FRYL: variants seen among roughly 807,000 people sequenced by gnomAD.
FRYL encodes protein furry homolog-like.
In FRYL, 150 loss-of-function variants were observed where a neutral mutation model predicts 351.2. That is an observed-to-expected ratio of 0.43 (90% CI 0.37 to 0.49). The LOEUF (loss-of-function observed/expected upper bound fraction) is 0.49, where lower values mean the gene tolerates loss of function less well. Ranked by LOEUF, FRYL falls within the 20% of genes least tolerant of loss-of-function variation. The pLI is 0.00. For missense variants in FRYL, 3,036 were observed against 3,619.3 expected (o/e 0.84, Z 4.13); for synonymous variants, 1,153 against 1,257.1 (o/e 0.92, Z 1.75).
At chr4:48,576,583 G>A (rs1281509288) in intron 23 of FRYL, among the ~76,000 whole-genome samples, 2 of 152,148 alleles carry the variant, frequency 1.3e-5, no homozygotes, top group African/African-American at 2.4e-5. Flanking sequence ...TGGGATTACA[G>A]GGGTGAGCCA....
At chr4:48,707,194 A>T (rs2149585229) in intron 2 of FRYL, among the ~76,000 whole-genome samples, 1 of 152,300 alleles carries the variant, frequency 6.6e-6, no homozygotes, top group Admixed American at 6.5e-5. Context: ...TCATTTTTTA[A>T]TTATTTTTAT....
At position 48,619,259 on chromosome 4, in the gene FRYL, A is replaced by T; in HGVS notation, c.411+15T>A. The T allele has an allele frequency of 6.5e-7, 1 of 1,540,514 alleles. No individual in the cohort carries two copies. Among genetic ancestry groups the T allele is most frequent in the Non-Finnish European group, 9.0e-7 (1 of 1,114,516 alleles). On this transcript the variant is annotated intron_variant, in intron 7 of 63. Coordinates refer to ENST00000358350, the MANE Select transcript of FRYL (RefSeq NM_015030.2). ...GAATAAGGAATACAGACTTTGCAGAAATAAAAGAGCTTACCTGCTTTAGAA... is the reference window on the plus strand; with the variant it reads ...GAATAAGGAATACAGACTTTGCAGATATAAAAGAGCTTACCTGCTTTAGAA...
At chr4:48,610,663 TATAC>T (rs1747907707) in intron 7 of FRYL, among the ~76,000 whole-genome samples, 1 of 146,448 alleles carries the variant, frequency 6.8e-6, no homozygotes, top group African/African-American at 2.5e-5. Flanking sequence ...ATATTGTATA[TATAC>T]ATATATTATA....
rs1747636128 is a variant in FRYL at position 48,609,622 on chromosome 4, G to GGA, written c.491+121_491+122insTC. 1.4e-5 allele frequency: 5 copies of GGA among 364,968 alleles called. No individual in the cohort carries two copies. In the South Asian group the frequency reaches 2.1e-4, roughly 15 times the overall value. 22.6% of individuals were successfully genotyped at this position (364,968 alleles called of 1,614,324 possible). On this transcript the variant is annotated intron_variant, in intron 8 of 63. Transcript: ENST00000358350. ...GGGTGAAAGTGAGACCTTGCCTCAA[G>GGA]AAAAAAAAAAAGGAAGATAAGAATT...
intron 23 of FRYL, among the ~76,000 whole-genome samples, chr4:48,578,317 T>C (rs768381446): frequency 3.9e-5 from 6 of 152,158 alleles, no homozygotes; most frequent in Non-Finnish European, 8.8e-5. Flanking sequence ...GGGCAAGTTA[T>C]ATGCTGAGAG....
In FRYL at chr4:48,677,504, G is replaced by A. The variant is rs1052127861; in HGVS notation, c.-81+7169C>T. Among the ~76,000 whole-genome samples the A allele has an allele frequency of 2.2e-4, 33 of 151,690 alleles. 3 individuals are homozygous for A. Among genetic ancestry groups the A allele is most frequent in the African/African-American group, 5.3e-4 (22 of 41,360 alleles). On this transcript the variant is annotated intron_variant, in intron 3 of 63. Coordinates refer to ENST00000358350, the MANE Select transcript of FRYL (RefSeq NM_015030.2). ...CGGCTCACTGCAACCTCATCCTCCC[G>A]GGTTCAAGCGATTCTCCTGCCTCAG...
chr4:48,675,708 C>T (rs1447631655), intron 3 of FRYL, among the ~76,000 whole-genome samples: 1 of 152,214 alleles, frequency 6.6e-6, no homozygotes, highest in African/African-American at 2.4e-5. Flanking sequence ...ATCGACCACC[C>T]AAGGGCTGAG....
intron 13 of FRYL, among the ~76,000 whole-genome samples, chr4:48,600,227 A>ATTTT (rs1490611896): frequency 6.6e-6 from 1 of 152,232 alleles, no homozygotes; most frequent in Non-Finnish European, 1.5e-5. Flanking sequence ...TTCCCTATAC[A>ATTTT]TAAAATAAAT....
intron 1 of FRYL, among the ~76,000 whole-genome samples, chr4:48,756,705 T>C (rs1226547527): frequency 6.6e-6 from 1 of 152,122 alleles, no homozygotes; most frequent in African/African-American, 2.4e-5. Context: ...CCCAGCACTT[T>C]GGGAGGTGGA....
At chr4:48,625,037 T>G (rs1459014318) in intron 4 of FRYL, among the ~76,000 whole-genome samples, 1 of 152,188 alleles carries the variant, frequency 6.6e-6, no homozygotes, top group Admixed American at 6.5e-5. Context: ...GCCTTCAAAT[T>G]CAGACTGGAA....
At chr4:48,598,913 A>C in intron 13 of FRYL, 1 of 807,246 alleles carries the variant, frequency 1.2e-6, no homozygotes, top group Non-Finnish European at 1.5e-6. Context: ...TAAACATGAG[A>C]TGCAGCACAT....
chr4:48,650,817 C>G (rs1757463099), intron 3 of FRYL, among the ~76,000 whole-genome samples: 1 of 152,058 alleles, frequency 6.6e-6, no homozygotes, highest in Non-Finnish European at 1.5e-5. Context: ...TGGCAATATT[C>G]CAGGTGATGA....
rs1722692914 is a variant in FRYL, at chr4:48,512,492, T to G, written c.8134A>C (p.Arg2712=). ...TGAACCTCACTGACCTGAAACAGCC[T>G]AGAAAACACATGAAAAGTAAACACT... ...SAVFTFHVFS[R]LFQTIQRKFG... The change falls in exon 57 of 64, where the codon AGG becomes CGG. Residue 2712 remains arginine (R), a synonymous_variant. Transcript: ENST00000358350. The G allele has an allele frequency of 6.2e-7, 1 of 1,612,816 alleles. No homozygotes were observed. Among genetic ancestry groups the G allele is most frequent in the Admixed American group, 1.7e-5 (1 of 59,974 alleles).
chr4:48,516,449 T>G (rs1723626285), intron 55 of FRYL, among the ~76,000 whole-genome samples: 1 of 152,230 alleles, frequency 6.6e-6, no homozygotes, highest in Non-Finnish European at 1.5e-5. Context: ...TTAATCAATT[T>G]GAAAATAAGT....
At chr4:48,644,512 AAAAAG>A (rs1352889351) in intron 3 of FRYL, among the ~76,000 whole-genome samples, 2 of 151,352 alleles carry the variant, frequency 1.3e-5, no homozygotes, top group Non-Finnish European at 2.9e-5. Flanking sequence ...AAAAAAAAAA[AAAAAG>A]TACCCCCTGC....
rs1766300119 is a variant in FRYL, at chr4:48,697,384, T to A, written c.-203-12589A>T. Among the ~76,000 whole-genome samples the A allele has an allele frequency of 2.0e-5, 3 of 152,198 alleles. No homozygotes were observed. The South Asian group carries it at 6.2e-4, about 31-fold the overall frequency. ...TACAAACTTTTTTTACTTCAAAAAA[T>A]AATGTATTTTTACAGGTGCCAATTT... On this transcript the variant is annotated intron_variant, in intron 2 of 63. Coordinates refer to ENST00000358350, the MANE Select transcript of FRYL (RefSeq NM_015030.2).
chr4:48,778,260 T>C (rs980797238), intron 1 of FRYL, among the ~76,000 whole-genome samples: 1 of 152,038 alleles, frequency 6.6e-6, no homozygotes, highest in African/African-American at 2.4e-5. Context: ...GAATTTACAA[T>C]GTTCCACACC....
At chr4:48,527,892 G>A (rs1365606911) in intron 52 of FRYL, 79 bp downstream of exon 52, 13 of 1,217,270 alleles carry the variant, frequency 1.1e-5, no homozygotes, top group African/African-American at 1.5e-5. Context: ...ATTAGAAAAG[G>A]CAAGCAAGGA....
intron 3 of FRYL, among the ~76,000 whole-genome samples, chr4:48,650,903 C>T (rs1412825343): frequency 6.6e-6 from 1 of 152,076 alleles, no homozygotes; most frequent in Non-Finnish European, 1.5e-5. Context: ...GAATGGCAAG[C>T]TGTGGTCAAG....
Sources: gnomAD v4.1 joint callset for allele counts (sites outside exome capture counted in the v4.1 genomes callset) on GRCh38, gnomAD v4.1.1 for gene constraint, MANE v1.5 for transcripts, NCBI Gene and HGNC (gene_info 2026-07-23, HGNC 2026-07-21) for gene names.